The following VDAC1 variants were observed in gnomAD, a reference collection of about 807,000 sequenced individuals.
VDAC1 encodes the protein voltage dependent anion channel 1.
VDAC1 carries 10 observed loss-of-function variants against 34.7 expected under a neutral mutation model. The observed-to-expected ratio is 0.29, with a 90% CI of 0.18 to 0.49. The LOEUF is 0.49. Ranked by LOEUF, VDAC1 falls within the 20% of genes least tolerant of loss-of-function variation. The probability of loss-of-function intolerance (pLI) is 0.99; values close to 1 mark genes in which losing one functional copy is unlikely to be tolerated. For missense variants in VDAC1, 230 were observed against 347.9 expected, an observed-to-expected ratio of 0.66 and a Z score of 2.69; for synonymous variants, 130 against 136.0, an observed-to-expected ratio of 0.96 and a Z score of 0.30.
the VDAC1 span, among the ~76,000 whole-genome samples, chr5:134,042,961 G>A: frequency 1.3e-5 from 2 of 152,210 alleles, no homozygotes; most frequent in African/African-American, 4.8e-5. Context: ...TGAGTATGTG[G>A]GTCGTGGGAG....
the VDAC1 span, among the ~76,000 whole-genome samples, chr5:134,085,982 C>T: frequency 6.6e-6 from 1 of 152,028 alleles, no homozygotes; most frequent in Non-Finnish European, 1.5e-5. Context: ...CACTTGAGGT[C>T]AGGAGTTCAA....
Position 133,975,987 on chromosome 5 carries a change from G to A in VDAC1, c.586C>T (p.Gln196Ter), listed in dbSNP as rs1236695303. Residue 196 changes from glutamine (Q) to a stop codon, truncating the protein, a stop_gained, in exon 7 of 9, where the codon CAG becomes TAG. Transcript: ENST00000265333. LOFTEE classifies it high-confidence loss of function. ...GTCTCCAACTTCTTGTTCACTTTCT[G>A]GTAAATGGAGCCGCCAAACTCTGTC... ...DGTEFGGSIY[Q>*]KVNKKLETAV... 1 of 1,613,952 alleles carries A rather than the reference G, an allele frequency of 6.2e-7. No individual in the cohort carries two copies.
the VDAC1 span, among the ~76,000 whole-genome samples, chr5:134,042,568 A>C: frequency 6.6e-6 from 1 of 151,898 alleles, no homozygotes; most frequent in Non-Finnish European, 1.5e-5. Flanking sequence ...ATCTCAGCTC[A>C]CTGCAACCTC....
the VDAC1 span, among the ~76,000 whole-genome samples, chr5:134,067,696 G>A: frequency 6.7e-6 from 1 of 150,168 alleles, no homozygotes; most frequent in Non-Finnish European, 1.5e-5. Context: ...GGGAGGGAGA[G>A]GGAGAGGGAG....
chr5:134,056,285 A>C, the VDAC1 span, among the ~76,000 whole-genome samples: 1 of 146,336 alleles, frequency 6.8e-6, no homozygotes, highest in African/African-American at 2.5e-5. Context: ...TCTGTGATTT[A>C]TTTTTACCTT....
intron 3 of VDAC1, among the ~76,000 whole-genome samples, chr5:133,991,370 A>G (rs1753096588): frequency 6.6e-6 from 1 of 152,228 alleles, no homozygotes; most frequent in Non-Finnish European, 1.5e-5. Context: ...TTGTCAGCAG[A>G]CAGCTTCCTT....
the VDAC1 span, among the ~76,000 whole-genome samples, chr5:134,079,779 G>A: frequency 2.6e-5 from 4 of 152,214 alleles, no homozygotes; most frequent in East Asian, 1.9e-4. Flanking sequence ...TGCTTTTGGC[G>A]GAGGCATCTG....
At chr5:134,090,319 C>T in the VDAC1 span, among the ~76,000 whole-genome samples, 1 of 152,220 alleles carries the variant, frequency 6.6e-6, no homozygotes, top group Non-Finnish European at 1.5e-5. Context: ...TTCTGAACCA[C>T]ACCAATTAGC....
the VDAC1 span, among the ~76,000 whole-genome samples, chr5:134,074,721 T>C: frequency 6.6e-6 from 1 of 152,086 alleles, no homozygotes; most frequent in Non-Finnish European, 1.5e-5. Flanking sequence ...CCTTTCCCAA[T>C]AGCACTTAGA....
intron 5 of VDAC1, among the ~76,000 whole-genome samples, chr5:133,984,125 G>A (rs1223677570): frequency 6.6e-6 from 1 of 152,030 alleles, no homozygotes; most frequent in Non-Finnish European, 1.5e-5. Flanking sequence ...GTGCGATCAT[G>A]GCTCACTACA....
the VDAC1 span, among the ~76,000 whole-genome samples, chr5:134,113,119 C>T: frequency 6.6e-6 from 1 of 152,192 alleles, no homozygotes; most frequent in Non-Finnish European, 1.5e-5. Flanking sequence ...AGGGCCGAGC[C>T]CCCCCTTCCC....
chr5:133,983,181 G>A (rs186631182), intron 5 of VDAC1, among the ~76,000 whole-genome samples: 29 of 151,756 alleles, frequency 1.9e-4, no homozygotes, highest in African/African-American at 6.8e-4. Flanking sequence ...CCCGGGAGGC[G>A]GAGGCTGCGT....
At chr5:134,006,165 G>C (rs1414065934), upstream of VDAC1, among the ~76,000 whole-genome samples, 1 of 152,112 alleles carries the variant, frequency 6.6e-6, no homozygotes, top group African/African-American at 2.4e-5. Context: ...GTAAGGAAGA[G>C]CCCCCTTCAA....
chr5:134,091,343 A>C, the VDAC1 span, among the ~76,000 whole-genome samples: 1 of 152,172 alleles, frequency 6.6e-6, no homozygotes, highest in Non-Finnish European at 1.5e-5. Context: ...CACTTAGAAC[A>C]TTCCAGGTTT....
intron 5 of VDAC1, among the ~76,000 whole-genome samples, chr5:133,984,658 G>A (rs375827193): frequency 1.1e-4 from 17 of 152,266 alleles, no homozygotes; most frequent in African/African-American, 2.4e-4. Flanking sequence ...AATGCCAGCC[G>A]GGCACAGTGC....
chr5:133,975,793 C>G, intron 7 of VDAC1, 78 bp downstream of exon 7: 1 of 1,579,654 alleles, frequency 6.3e-7, no homozygotes, highest in Non-Finnish European at 8.6e-7. Flanking sequence ...AAGCACAGCA[C>G]TCCAGCAAAC....
chr5:134,016,037 T>A, the VDAC1 span, among the ~76,000 whole-genome samples: 436 of 152,198 alleles, frequency 2.9e-3, 3 homozygotes, highest in African/African-American at 9.2e-3. Context: ...AATCTGCCCA[T>A]CTCGGCTTTC....
chr5:134,014,115 C>T, the VDAC1 span, among the ~76,000 whole-genome samples: 1 of 152,008 alleles, frequency 6.6e-6, no homozygotes, highest in Non-Finnish European at 1.5e-5. Context: ...ATGGTGAAAC[C>T]CCGAGTCTAC....
the VDAC1 span, among the ~76,000 whole-genome samples, chr5:134,012,374 T>C: frequency 6.6e-6 from 1 of 152,200 alleles, no homozygotes; most frequent in African/African-American, 2.4e-5. Flanking sequence ...AGGAAACTAA[T>C]ATACAACCTC....
Sources: allele counts gnomAD v4.1 joint callset (sites outside exome capture counted in the v4.1 genomes callset), GRCh38; gene constraint gnomAD v4.1.1; transcripts MANE v1.5; gene names NCBI Gene and HGNC (gene_info 2026-07-23, HGNC 2026-07-21).